Variants in MAP3K20 observed in about 807,000 individuals in gnomAD.
MAP3K20 encodes mitogen-activated protein kinase kinase kinase 20, also known as HCCS-4.
MAP3K20 carries 40 observed loss-of-function variants against 85.7 expected under a neutral mutation model. The observed-to-expected ratio is 0.47, with a 90% CI of 0.36 to 0.61. The LOEUF (loss-of-function observed/expected upper bound fraction) is 0.61. Ranked by LOEUF, MAP3K20 falls within the 20% of genes least tolerant of loss-of-function variation. The pLI is 0.00. For missense variants in MAP3K20, 817 were observed against 961.7 expected (o/e 0.85, Z 1.99); for synonymous variants, 325 against 327.7 (o/e 0.99, Z 0.09).
chr2:173,127,565 A>G (rs190662260), intron 2 of MAP3K20, among the ~76,000 whole-genome samples: 206 of 152,352 alleles, frequency 1.4e-3, no homozygotes, highest in Non-Finnish European at 2.2e-3. Flanking sequence ...AAGTTAAAAT[A>G]TATTACATTT....
At position 173,103,802 on chromosome 2, in the gene MAP3K20, C is replaced by G. The variant is rs1255014373; in HGVS notation, c.159+12612C>G. 2.6e-5 allele frequency among the ~76,000 whole-genome samples: 4 copies of G among 152,250 alleles called. No individual in the cohort carries two copies. In the South Asian group the frequency reaches 8.3e-4, roughly 32 times the overall value. On this transcript the variant is annotated intron_variant, in intron 2 of 19. Transcript: ENST00000375213. ...GTGAATAATACCTTGAAGTACAAAA[C>G]ATACCTGATTTGTTTCCTGAGCACA...
intron 1 of MAP3K20, among the ~76,000 whole-genome samples, chr2:173,081,664 G>A (rs958901632): frequency 2.6e-5 from 4 of 152,140 alleles, no homozygotes; most frequent in Non-Finnish European, 5.9e-5. Flanking sequence ...CTGGAATGTG[G>A]CTCTTAGCTT....
chr2:173,222,212 CA>C, intron 11 of MAP3K20: 1 of 980,666 alleles, frequency 1.0e-6, no homozygotes, highest in Non-Finnish European at 1.2e-6. Context: ...TCTCAAAAAA[CA>C]AAAAAAAGAA....
At chr2:173,144,809 A>G (rs1466629585) in intron 2 of MAP3K20, among the ~76,000 whole-genome samples, 2 of 152,224 alleles carry the variant, frequency 1.3e-5, no homozygotes, top group Non-Finnish European at 2.9e-5. Flanking sequence ...AGAAAAATCA[A>G]ATTGGAGGAT....
At chr2:173,144,883 A>G (rs777105305) in intron 2 of MAP3K20, among the ~76,000 whole-genome samples, 3 of 152,246 alleles carry the variant, frequency 2.0e-5, no homozygotes, top group Non-Finnish European at 4.4e-5. Context: ...TAGTATTGGT[A>G]TAAAGACAAA....
At chr2:173,152,738 G>T (rs1422071439) in intron 2 of MAP3K20, among the ~76,000 whole-genome samples, 1 of 152,174 alleles carries the variant, frequency 6.6e-6, no homozygotes, top group Non-Finnish European at 1.5e-5. Flanking sequence ...CAGCAAGCAA[G>T]ATCAAGACTT....
At chr2:173,153,661 C>G (rs1689371579) in intron 2 of MAP3K20, among the ~76,000 whole-genome samples, 1 of 152,144 alleles carries the variant, frequency 6.6e-6, no homozygotes, top group African/African-American at 2.4e-5. Context: ...TTGAAGTAAA[C>G]CTAAGAATTA....
chr2:173,248,226 A>T (rs574487943), intron 16 of MAP3K20, among the ~76,000 whole-genome samples: 6 of 152,282 alleles, frequency 3.9e-5, no homozygotes, highest in African/African-American at 1.4e-4. Flanking sequence ...GCTGCTTCTC[A>T]GTTTCGTCAC....
chr2:173,095,427 T>C (rs1369320682), intron 2 of MAP3K20, among the ~76,000 whole-genome samples: 1 of 152,202 alleles, frequency 6.6e-6, no homozygotes, highest in Admixed American at 6.5e-5. Context: ...AAGAACATTG[T>C]CTTTTTGACA....
chr2:173,107,114 G>A (rs1281917185), intron 2 of MAP3K20, among the ~76,000 whole-genome samples: 1 of 152,166 alleles, frequency 6.6e-6, no homozygotes, highest in Non-Finnish European at 1.5e-5. Flanking sequence ...CTAGGGATTG[G>A]TACATGATGG....
At chr2:173,227,291 T>A in intron 11 of MAP3K20, 1 of 349,870 alleles carries the variant, frequency 2.9e-6, no homozygotes, top group Non-Finnish European at 4.0e-6. Flanking sequence ...AATAAATTTG[T>A]AAAGTGATGG....
intron 2 of MAP3K20, among the ~76,000 whole-genome samples, chr2:173,147,097 T>C (rs1387988427): frequency 1.3e-5 from 2 of 152,256 alleles, no homozygotes; most frequent in African/African-American, 4.8e-5. Flanking sequence ...ATATTCCACA[T>C]ACTAGTCCCT....
At chr2:173,252,363 T>G (rs1444243184) in intron 16 of MAP3K20, among the ~76,000 whole-genome samples, 1 of 152,190 alleles carries the variant, frequency 6.6e-6, no homozygotes, top group African/African-American at 2.4e-5. Flanking sequence ...TCAGAAAATT[T>G]TTTCACTTGG....
intron 11 of MAP3K20, among the ~76,000 whole-genome samples, chr2:173,227,499 A>AGC (rs1299001415): frequency 9.9e-5 from 15 of 152,172 alleles, no homozygotes. Context: ...GCCTGGCTCC[A>AGC]GCCTTCCTCT....
chr2:173,217,059 A>C, intron 10 of MAP3K20, 56 bp from the exon 11 acceptor site: 1 of 1,362,546 alleles, frequency 7.3e-7, no homozygotes, highest in Non-Finnish European at 9.6e-7. Flanking sequence ...TGGACCCACT[A>C]AGCGCTTGAT....
intron 11 of MAP3K20, among the ~76,000 whole-genome samples, chr2:173,217,736 A>G (rs1480459347): frequency 1.3e-5 from 2 of 152,192 alleles, no homozygotes; most frequent in Non-Finnish European, 2.9e-5. Context: ...AAGCATTAAT[A>G]TTTCGTACTC....
chr2:173,258,576 GA>G lies in MAP3K20; in HGVS notation c.1360-111del, dbSNP rs11326134. The stretch of plus-strand genomic sequence containing the variant: ...ATTTCATGTCCTTTTATTGAAAAAG[GA>G]AAAAAAAAAAAGCCACTCCAATAAT... On this transcript the variant is annotated intron_variant, in intron 16 of 19. Transcript: ENST00000375213. 176,095 of 477,154 alleles carry G rather than the reference GA, an allele frequency of 0.37. 10,467 individuals are homozygous for G. Among genetic ancestry groups the G allele is most frequent in the South Asian group, 0.42 (14,414 of 34,574 alleles). The allele number at this position is 477,154 out of a possible 1,614,324, so 29.6% of individuals were successfully genotyped here.
chr2:173,243,367 G>A (rs1559296564), intron 16 of MAP3K20, among the ~76,000 whole-genome samples: 1 of 152,246 alleles, frequency 6.6e-6, no homozygotes, highest in Non-Finnish European at 1.5e-5. Flanking sequence ...GAAGGCAGAC[G>A]AAACCATGTG....
chr2:173,147,738 C>G lies in MAP3K20; in HGVS notation c.160-22067C>G, dbSNP rs539093909. Among the ~76,000 whole-genome samples the G allele has an allele frequency of 5.1e-4, 78 of 152,242 alleles. 1 individual carries two copies. The South Asian group carries it at 8.7e-3, about 17-fold the overall frequency. Reference sequence around the variant, plus strand: ...AGTAGCTGGGACTACAGGCGCCTGCCACCACGCCCGGCTAATTTTTGTATT... The same window carrying G: ...AGTAGCTGGGACTACAGGCGCCTGCGACCACGCCCGGCTAATTTTTGTATT... On this transcript the variant is annotated intron_variant, in intron 2 of 19. Transcript: ENST00000375213.
Sources: gnomAD v4.1 joint callset for allele counts (sites outside exome capture counted in the v4.1 genomes callset) on GRCh38, gnomAD v4.1.1 for gene constraint, MANE v1.5 for transcripts, NCBI Gene and HGNC (gene_info 2026-07-23, HGNC 2026-07-21) for gene names.